Variants in MROH9 observed in about 807,000 individuals in gnomAD.
MROH9 encodes maestro heat like repeat family member 9, also known as maestro heat-like repeat-containing protein family member 9.
Under a neutral mutation model 98.2 loss-of-function variants are expected in MROH9, and 92 were observed. That is an observed-to-expected ratio of 0.94 (90% CI 0.79 to 1.11). MROH9 has a LOEUF of 1.11. MROH9 is among the 50% of genes most tolerant of loss of function. MROH9 has a pLI of 0.00. For missense variants in MROH9, 1,057 were observed against 1,014.8 expected (o/e 1.04, Z -0.57); for synonymous variants, 397 against 368.9 (o/e 1.08, Z -0.87).
At chr1:170,947,760 C>T (rs1241902787) in intron 3 of MROH9, among the ~76,000 whole-genome samples, 187 bp downstream of exon 3, 1 of 151,986 alleles carries the variant, frequency 6.6e-6, no homozygotes, top group East Asian at 1.9e-4. Context: ...GTCATTTCTT[C>T]TTCATTCTCT....
chr1:170,990,510 TAAG>T (rs796988091), intron 11 of MROH9, among the ~76,000 whole-genome samples: 3 of 152,212 alleles, frequency 2.0e-5, no homozygotes, highest in African/African-American at 7.2e-5. Flanking sequence ...AAGAAAAGTT[TAAG>T]AAGAAAAAAA....
intron 20 of MROH9, among the ~76,000 whole-genome samples, chr1:171,041,198 T>C (rs1005102373): frequency 6.6e-6 from 1 of 151,844 alleles, no homozygotes; most frequent in South Asian, 2.1e-4. Context: ...TGTGTACCCA[T>C]TGTTTAGCTC....
chr1:170,951,114 T>C (rs896321984), intron 3 of MROH9, among the ~76,000 whole-genome samples: 5 of 152,070 alleles, frequency 3.3e-5, no homozygotes, highest in Admixed American at 2.6e-4. Flanking sequence ...TAAATTTTGA[T>C]CTAGTTAGAT....
intron 15 of MROH9, 74 bp downstream of exon 15, chr1:170,998,348 T>G: frequency 6.2e-7 from 1 of 1,612,336 alleles, no homozygotes. Flanking sequence ...AAATTCCAGT[T>G]TCTCGTATCT....
At chr1:170,965,058 G>T (rs773872825) in intron 6 of MROH9, 93 bp from the exon 7 acceptor site, 36 of 762,478 alleles carry the variant, frequency 4.7e-5, no homozygotes, top group Non-Finnish European at 7.5e-5. Flanking sequence ...GAGAATGTAG[G>T]AAGGCCTGAT....
intron 15 of MROH9, among the ~76,000 whole-genome samples, chr1:171,007,283 T>C (rs764064457): frequency 6.6e-6 from 1 of 152,166 alleles, no homozygotes; most frequent in Non-Finnish European, 1.5e-5. Flanking sequence ...TGAACTGGCC[T>C]AGCTCCAGGA....
Position 170,947,536 on chromosome 1 carries a change from T to C in MROH9, c.35T>C (p.Leu12Pro), listed in dbSNP as rs1418377019. 6.2e-7 allele frequency: 1 copy of C among 1,610,896 alleles called. No individual in the cohort carries two copies. The highest frequency in any genetic ancestry group is 1.3e-5 in the African/African-American group (1 of 74,732). Residue 12 changes from leucine (L) to proline (P), a missense_variant, in exon 3 of 22, where the codon CTC becomes CCC. Leu to Pro is a moderately conservative substitution (Grantham distance 98). Coordinates refer to ENST00000367759, the MANE Select transcript of MROH9 (RefSeq NM_001163629.2). ...LTRNPKTKSS[L>P]QILQDSVKWH... is the part of the protein sequence containing the mutation. ...CCTTCTTTCTGGCTAGAGAGTAGTC[T>C]CCAGATTCTGCAAGACAGTGTGAAA... is the stretch of plus-strand genomic sequence containing the variant.
At chr1:171,033,978 A>G (rs1653014243) in intron 20 of MROH9, among the ~76,000 whole-genome samples, 1 of 152,160 alleles carries the variant, frequency 6.6e-6, no homozygotes, top group East Asian at 1.9e-4. Context: ...TTTGTAATAA[A>G]GTTATGGAAC....
chr1:170,953,828 A>G (rs934889341), intron 3 of MROH9, among the ~76,000 whole-genome samples: 23 of 150,604 alleles, frequency 1.5e-4, no homozygotes, highest in African/African-American at 4.9e-4. Flanking sequence ...TGAAAGAAAG[A>G]AAAAGAAAGG....
At chr1:170,972,993 A>C (rs1471894081) in intron 8 of MROH9, among the ~76,000 whole-genome samples, 2 of 152,016 alleles carry the variant, frequency 1.3e-5, no homozygotes, top group African/African-American at 2.4e-5. Flanking sequence ...GAGCCAACAC[A>C]AAAAGAGATA....
intron 8 of MROH9, among the ~76,000 whole-genome samples, chr1:170,981,384 G>A (rs938516564): frequency 6.6e-6 from 1 of 152,146 alleles, no homozygotes; most frequent in African/African-American, 2.4e-5. Context: ...TGATAGACTG[G>A]ATAAAGAAAA....
Position 170,958,542 on chromosome 1 carries a change from T to C in MROH9, c.152+2T>C. ...CATGATCCTGGCTGTGAACTCCAGG[T>C]ATGATAAGCTATCATGCTCTTTTAT... On this transcript the variant is annotated splice_donor_variant, in intron 4 of 21. Coordinates refer to ENST00000367759, the MANE Select transcript of MROH9 (RefSeq NM_001163629.2). LOFTEE classifies it high-confidence loss of function. 1.3e-6 allele frequency: 2 copies of C among 1,564,010 alleles called. No homozygotes were observed. Among genetic ancestry groups the C allele is most frequent in the Non-Finnish European group, 1.8e-6 (2 of 1,141,970 alleles).
At chr1:170,939,087 T>A (rs146091390) in intron 1 of MROH9, among the ~76,000 whole-genome samples, 2 of 152,236 alleles carry the variant, frequency 1.3e-5, no homozygotes, top group African/African-American at 4.8e-5. Flanking sequence ...TCAGCAGAGA[T>A]TGCCCTTTGG....
chr1:170,962,324 T>C (rs557356763), intron 6 of MROH9, among the ~76,000 whole-genome samples: 1 of 152,290 alleles, frequency 6.6e-6, no homozygotes, highest in South Asian at 2.1e-4. Context: ...CCATGCTGTG[T>C]ATGTCTGTGT....
chr1:170,948,874 A>C (rs1649438130), intron 3 of MROH9, among the ~76,000 whole-genome samples: 1 of 152,090 alleles, frequency 6.6e-6, no homozygotes, highest in Non-Finnish European at 1.5e-5. Flanking sequence ...AAGAAAAAGC[A>C]ACATACGTTT....
At chr1:171,005,498 T>C (rs1189371275) in intron 15 of MROH9, among the ~76,000 whole-genome samples, 1 of 152,220 alleles carries the variant, frequency 6.6e-6, no homozygotes, top group African/African-American at 2.4e-5. Flanking sequence ...GTAACGTTGT[T>C]GGTTAAATAT....
chr1:171,039,761 T>C (rs1653236030), intron 20 of MROH9, among the ~76,000 whole-genome samples: 1 of 152,050 alleles, frequency 6.6e-6, no homozygotes, highest in African/African-American at 2.4e-5. Context: ...TAAAAGGAAA[T>C]ACATTGGAAT....
At chr1:170,956,005 T>G (rs757660931) in intron 3 of MROH9, among the ~76,000 whole-genome samples, 1 of 152,212 alleles carries the variant, frequency 6.6e-6, no homozygotes, top group Non-Finnish European at 1.5e-5. Context: ...AGGTAAGAGA[T>G]GAGGATCCAG....
In MROH9 at chr1:170,983,415, A is replaced by G; in HGVS notation, c.617-7A>G. 15 of 1,580,094 alleles carry G rather than the reference A, an allele frequency of 9.5e-6. No individual in the cohort carries two copies. Among genetic ancestry groups the G allele is most frequent in the Non-Finnish European group, 1.2e-5 (14 of 1,152,920 alleles). On this transcript the variant is annotated splice_region_variant and splice_polypyrimidine_tract_variant and intron_variant, in intron 8 of 21. Coordinates refer to ENST00000367759, the MANE Select transcript of MROH9 (RefSeq NM_001163629.2). Reference sequence around the variant, plus strand: ...ACAACCTGAAACTCTTTTTCTTAACAAAGCAGATATTGGAACAAATAAGCC... The same window carrying G: ...ACAACCTGAAACTCTTTTTCTTAACGAAGCAGATATTGGAACAAATAAGCC...
Sources: gnomAD v4.1 joint callset for allele counts (sites outside exome capture counted in the v4.1 genomes callset) on GRCh38, gnomAD v4.1.1 for gene constraint, MANE v1.5 for transcripts, NCBI Gene and HGNC (gene_info 2026-07-23, HGNC 2026-07-21) for gene names.